PKD1: variants seen among roughly 807,000 people sequenced by gnomAD.
PKD1 encodes polycystin-1.
PKD1 carries 81 observed loss-of-function variants against 361.7 expected under a neutral mutation model. That is an observed-to-expected ratio of 0.22 (90% confidence interval 0.19 to 0.27). PKD1 has a LOEUF of 0.27. Ranked by LOEUF, PKD1 falls within the 10% of genes least tolerant of loss-of-function variation. PKD1 has a pLI of 1.00. For missense variants in PKD1, 6,399 were observed against 6,118.3 expected, an observed-to-expected ratio of 1.05 and a Z score of -1.53; for synonymous variants, 3,615 against 2,818.3, an observed-to-expected ratio of 1.28 and a Z score of -8.95.
chr16:2,122,328 G>A (rs2092734017), intron 1 of PKD1, among the ~76,000 whole-genome samples: 1 of 152,222 alleles, frequency 6.6e-6, no homozygotes, highest in Non-Finnish European at 1.5e-5. Context: ...CACTCAGAGA[G>A]CCTATGCCTG....
chr16:2,103,068 T>C (rs539759984), intron 23 of PKD1, 98 bp from the exon 24 acceptor site: 86 of 1,412,596 alleles, frequency 6.1e-5, no homozygotes, highest in Non-Finnish European at 7.7e-5. Context: ...GCCACGGGCC[T>C]GAAAGGCCAT....
rs1172335318 is a variant in PKD1, at chr16:2,088,735, TTTGTCTGC to T, written c.*984_*991del. ...GCAGTCAGACAGCTCTTTTATTGAC[TTTGTCTGC>T]TTGGTGCGGGGGTTGGGGGGGTGTC... On this transcript the variant is annotated 3_prime_UTR_variant, in exon 46 of 46. Transcript: ENST00000262304. 5 of 1,342,340 alleles carry T rather than the reference TTTGTCTGC, an allele frequency of 3.7e-6. No homozygotes were observed. Among genetic ancestry groups the T allele is most frequent in the African/African-American group, 1.5e-5 (1 of 68,342 alleles). 83.2% of individuals were successfully genotyped at this position (1,342,340 alleles called of 1,614,324 possible). A position where few individuals can be genotyped will look rare whatever the true frequency, so the allele number is the denominator to read the frequency against.
chr16:2,116,752 C>T lies in PKD1; in HGVS notation c.1606+81G>A, dbSNP rs1472169141. The T allele has an allele frequency of 2.8e-6, 3 of 1,066,480 alleles. No homozygotes were observed. In the African/African-American group the frequency reaches 4.7e-5, roughly 17 times the overall value. 66.1% of individuals were successfully genotyped at this position (1,066,480 alleles called of 1,614,324 possible). A position where few individuals can be genotyped will look rare whatever the true frequency, so the allele number is the denominator to read the frequency against. ...AACCCCCCCACCAGCCCCTCCTCCT[C>T]AGCCCAGGCTCCACCGCGGGCGCTC... On this transcript the variant is annotated intron_variant, in intron 7 of 45. Coordinates refer to ENST00000262304, the MANE Select transcript of PKD1 (RefSeq NM_001009944.3).
rs144593342 is a variant in PKD1, at chr16:2,097,399, G to A, written c.10325C>T (p.Ala3442Val). Residue 3442 changes from alanine (A) to valine (V), a missense_variant, in exon 33 of 46, where the codon GCG becomes GTG. Coordinates refer to ENST00000262304, the MANE Select transcript of PKD1 (RefSeq NM_001009944.3). Reference protein sequence around the residue: ...SNLRQLARGQAGHGLGPEEDG... With the variant: ...SNLRQLARGQVGHGLGPEEDG... ...CTCCTCTGGGCCCAGCCCATGGCCC[G>A]CCTGGCCCCGTGCCAGCTGCCGCAG... 3.5e-4 allele frequency: 562 copies of A among 1,610,284 alleles called. 2 individuals are homozygous for A. In the African/African-American group the frequency reaches 5.0e-3, roughly 14 times the overall value.
At position 2,089,902 on chromosome 16, in the gene PKD1, A is replaced by G; in HGVS notation, c.12737T>C (p.Leu4246Pro). Residue 4246 changes from leucine (L) to proline (P), a missense_variant, in exon 46 of 46, where the codon CTG (leucine) becomes CCG (proline). Physicochemically the swap from Leu to Pro is moderately conservative, Grantham distance 98. Coordinates refer to ENST00000262304, the MANE Select transcript of PKD1 (RefSeq NM_001009944.3). ...VYQLEQQLHS[L>P]QGRRSSRAPA... ...CGCCCGGCTGCTCCTGCGGCCTTGCAGGCTGTGCAGCTGCTGCTCCAGCTG... is the reference window on the plus strand; with the variant it reads ...CGCCCGGCTGCTCCTGCGGCCTTGCGGGCTGTGCAGCTGCTGCTCCAGCTG... The G allele has an allele frequency of 6.2e-7, 1 of 1,611,440 alleles. No individual in the cohort carries two copies. The highest frequency in any genetic ancestry group is 8.5e-7 in the Non-Finnish European group (1 of 1,179,536).
rs1267840617 is a variant in PKD1 at position 2,114,430 on chromosome 16, T to C, written c.2593A>G (p.Ser865Gly). ...ACATTCTCAAAGCGGGCGCTGACACTGCCCCCAGGCCAGCGAGCCGTGGCC... is the reference window on the plus strand; with the variant it reads ...ACATTCTCAAAGCGGGCGCTGACACCGCCCCCAGGCCAGCGAGCCGTGGCC... ...ATATARWPGG[S>G]VSARFENVCP... The change falls in exon 11 of 46, where the codon AGT becomes GGT. Residue 865 changes from serine to glycine, a missense_variant. Coordinates refer to ENST00000262304, the MANE Select transcript of PKD1 (RefSeq NM_001009944.3). 1 of 1,601,272 alleles carries C rather than the reference T, an allele frequency of 6.2e-7. No individual in the cohort carries two copies. Among genetic ancestry groups the C allele is most frequent in the African/African-American group, 1.3e-5 (1 of 74,952 alleles).
At position 2,089,847 on chromosome 16, in the gene PKD1, C is replaced by T. The variant is rs763551462; in HGVS notation, c.12792G>A (p.Pro4264=). 19 of 1,606,574 alleles carry T rather than the reference C, an allele frequency of 1.2e-5. No homozygotes were observed. In the Admixed American group the frequency reaches 2.2e-4, roughly 19 times the overall value. Residue 4264 remains proline, a synonymous_variant, in exon 46 of 46, where the codon CCG becomes CCA. Coordinates refer to ENST00000262304, the MANE Select transcript of PKD1 (RefSeq NM_001009944.3). The part of the protein sequence containing the change: ...APAGSSRGPS[P]GLRPALPSRL... ...GGCTGGGCAGTGCTGGCCGCAGGCC[C>T]GGGGATGGGCCACGGGAAGATCCGG...
At chr16:2,132,096 C>T (rs1290887778) in intron 1 of PKD1, 2 of 149,906 alleles carry the variant, frequency 1.3e-5, no homozygotes, top group Non-Finnish European at 3.0e-5. Context: ...CCTAAAAATA[C>T]AAAATTAGCC....
chr16:2,106,738 C>G lies in PKD1; in HGVS notation c.7210-61G>C, dbSNP rs1477820995. 2 of 1,511,146 alleles carry G rather than the reference C, an allele frequency of 1.3e-6. No homozygotes were observed. Among genetic ancestry groups the G allele is most frequent in the Non-Finnish European group, 1.8e-6 (2 of 1,111,858 alleles). The allele number at this position is 1,511,146 out of a possible 1,614,324, so 93.6% of individuals were successfully genotyped here. On this transcript the variant is annotated intron_variant, in intron 17 of 45. Transcript: ENST00000262304. The surrounding 1 kb of genome is among the most constrained non-coding windows in gnomAD (Gnocchi z 6.5). Reference sequence around the variant, plus strand: ...TCTGCCCTGTCAGCCCCACTTCTGCCTGCAGGCCCCGTCCCCTCGGCCATG... The same window carrying G: ...TCTGCCCTGTCAGCCCCACTTCTGCGTGCAGGCCCCGTCCCCTCGGCCATG...
In PKD1 at chr16:2,116,830, C is replaced by A. The variant is rs1461318287; in HGVS notation, c.1606+3G>T. 57 of 1,520,028 alleles carry A rather than the reference C, an allele frequency of 3.7e-5. No homozygotes were observed. The highest frequency in any genetic ancestry group is 4.9e-5 in the Non-Finnish European group (56 of 1,134,136). The allele number at this position is 1,520,028 out of a possible 1,614,324, so 94.2% of individuals were successfully genotyped here. ...TCAGGCCCCTGCCTGGCCCCCCGCACACCTCCGGGCTGCAGCTCGCAGACG... is the reference window on the plus strand; with the variant it reads ...TCAGGCCCCTGCCTGGCCCCCCGCAAACCTCCGGGCTGCAGCTCGCAGACG... On this transcript the variant is annotated splice_donor_region_variant and intron_variant, in intron 7 of 45. Coordinates refer to ENST00000262304, the MANE Select transcript of PKD1 (RefSeq NM_001009944.3).
chr16:2,123,044 C>T (rs987990131), intron 1 of PKD1, among the ~76,000 whole-genome samples: 9 of 152,194 alleles, frequency 5.9e-5, no homozygotes, highest in South Asian at 4.1e-4. Context: ...GCAGGTCAGC[C>T]GAGGACCCCA....
In PKD1 at chr16:2,112,961, C is replaced by G; in HGVS notation, c.2988G>C (p.Leu996=). 1 of 1,599,240 alleles carries G rather than the reference C, an allele frequency of 6.3e-7. No homozygotes were observed. Among genetic ancestry groups the G allele is most frequent in the Non-Finnish European group, 8.5e-7 (1 of 1,179,632 alleles). The part of the protein sequence containing the change: ...YQSAAVFKLS[L]TASNHVSNVT... The stretch of plus-strand genomic sequence containing the variant: ...CGTTGCTCACGTGGTTGGAGGCCGT[C>G]AGCTGCAGGGACAGGCGTCAGTGAG... The change falls in exon 13 of 46, where the codon CTG becomes CTC. Residue 996 remains leucine, a splice_region_variant and synonymous_variant. Coordinates refer to ENST00000262304, the MANE Select transcript of PKD1 (RefSeq NM_001009944.3).
intron 1 of PKD1, among the ~76,000 whole-genome samples, chr16:2,122,975 T>C (rs1384763690): frequency 6.6e-6 from 1 of 152,202 alleles, no homozygotes; most frequent in Non-Finnish European, 1.5e-5. Context: ...CCTCATTTTC[T>C]GGAAAATCCA....
chr16:2,105,051 A>G (rs778184074), intron 21 of PKD1, among the ~76,000 whole-genome samples: 1 of 57,226 alleles, frequency 1.7e-5, no homozygotes, highest in Non-Finnish European at 3.5e-5. Flanking sequence ...AGGGGAGGGG[A>G]GAGTGGAGGG....
Position 2,092,117 on chromosome 16 carries a change from A to G in PKD1, c.11341T>C (p.Tyr3781His). The G allele has an allele frequency of 2.5e-6, 4 of 1,612,858 alleles. No individual in the cohort carries two copies. The highest frequency in any genetic ancestry group is 2.5e-6 in the Non-Finnish European group (3 of 1,179,972). Residue 3781 changes from tyrosine to histidine, a missense_variant, in exon 40 of 46, where the codon TAC (tyrosine) becomes CAC (histidine). Tyr to His is a moderately conservative substitution (Grantham distance 83). Transcript: ENST00000262304. ...SAAGGFSTSD[Y>H]DVGWESPHNG... ...TGAGGACTCTCCCAGCCAACGTCGT[A>G]ATCGCTGGTGCTGAAGCCTCCTGCG...
chr16:2,092,412 C>T, intron 39 of PKD1, 68 bp downstream of exon 39: 2 of 1,165,094 alleles, frequency 1.7e-6, no homozygotes, highest in South Asian at 1.3e-5. Flanking sequence ...GATGCCAGAG[C>T]TCCGCTAAAG....
Position 2,102,637 on chromosome 16 carries a change from G to C in PKD1, c.8949-4C>G. On this transcript the variant is annotated splice_region_variant and splice_polypyrimidine_tract_variant and intron_variant, in intron 24 of 45. Coordinates refer to ENST00000262304, the MANE Select transcript of PKD1 (RefSeq NM_001009944.3). ...ACTCCCCGCTGGGTCTCTGCTCCTGGGCAGGGAAGGGGTAGCGGACGTGAG... is the reference window on the plus strand; with the variant it reads ...ACTCCCCGCTGGGTCTCTGCTCCTGCGCAGGGAAGGGGTAGCGGACGTGAG... 3 of 1,610,912 alleles carry C rather than the reference G, an allele frequency of 1.9e-6. No homozygotes were observed. The highest frequency in any genetic ancestry group is 2.5e-6 in the Non-Finnish European group (3 of 1,179,770).
Position 2,105,353 on chromosome 16 carries a change from T to C in PKD1, c.7985A>G (p.Gln2662Arg), listed in dbSNP as rs1380872707. 6.3e-7 allele frequency: 1 copy of C among 1,593,276 alleles called. No individual in the cohort carries two copies. Among genetic ancestry groups the C allele is most frequent in the Non-Finnish European group, 8.5e-7 (1 of 1,177,674 alleles). The change falls in exon 21 of 46, where the codon CAG becomes CGG. Residue 2662 changes from glutamine to arginine, a missense_variant. Coordinates refer to ENST00000262304, the MANE Select transcript of PKD1 (RefSeq NM_001009944.3). Reference protein sequence around the residue: ...SLRVHTVDDIQQIAAALAQCM... With the variant: ...SLRVHTVDDIRQIAAALAQCM... ...CTGGGCCAGCGCAGCAGCGATCTGCTGGATGTCATCCACAGTGTGGACCCT... is the reference window on the plus strand; with the variant it reads ...CTGGGCCAGCGCAGCAGCGATCTGCCGGATGTCATCCACAGTGTGGACCCT...
At position 2,109,915 on chromosome 16, in the gene PKD1, G is replaced by A. The variant is rs138442416; in HGVS notation, c.5252C>T (p.Thr1751Ile). Reference sequence around the variant, plus strand: ...GCTCAGCCCCTCCTCCAAGGACCAAGTGTATACGACACCACTGCCACCAGC... The same window carrying A: ...GCTCAGCCCCTCCTCCAAGGACCAAATGTATACGACACCACTGCCACCAGC... ...ELAGGSGVVY[T>I]WSLEEGLSWE... The change falls in exon 15 of 46, where the codon ACT becomes ATT. Residue 1751 changes from threonine (T) to isoleucine (I), a missense_variant. Transcript: ENST00000262304. 2.4e-5 allele frequency: 38 copies of A among 1,610,404 alleles called. No individual in the cohort carries two copies. The South Asian group carries it at 3.1e-4, about 13-fold the overall frequency.
Sources: gnomAD v4.1 joint callset for allele counts (sites outside exome capture counted in the v4.1 genomes callset) on GRCh38, gnomAD v4.1.1 for gene constraint, Gnocchi (gnomAD v3.1) non-coding constraint, MANE v1.5 for transcripts, NCBI Gene and HGNC (gene_info 2026-07-23, HGNC 2026-07-21) for gene names.